DRC8: variants seen among roughly 807,000 people sequenced by gnomAD.
The protein encoded by DRC8 is dynein regulatory complex subunit 8.
the DRC8 span, among the ~76,000 whole-genome samples, chr1:245,017,952 C>T: frequency 2.0e-5 from 3 of 152,052 alleles, no homozygotes; most frequent in Non-Finnish European, 4.4e-5. Context: ...TGAAGCCAGG[C>T]GTGGTGGCTG....
chr1:244,984,128 T>A, the DRC8 span, among the ~76,000 whole-genome samples: 1 of 145,566 alleles, frequency 6.9e-6, no homozygotes, highest in Non-Finnish European at 1.5e-5. Flanking sequence ...CTAATTTTTT[T>A]GGGGGGGGGG....
the DRC8 span, chr1:245,124,077 G>A: frequency 6.0e-6 from 1 of 166,758 alleles, no homozygotes; most frequent in Non-Finnish European, 1.3e-5. Flanking sequence ...CTGGTCTTAA[G>A]CCAGGTTTCT....
chr1:245,015,593 C>A, the DRC8 span: 1 of 161,964 alleles, frequency 6.2e-6, no homozygotes, highest in South Asian at 1.5e-4. Context: ...GCCTGTAGTC[C>A]CAGCTACTCA....
the DRC8 span, among the ~76,000 whole-genome samples, chr1:245,067,680 G>A: frequency 3.9e-5 from 6 of 151,956 alleles, no homozygotes; most frequent in African/African-American, 1.5e-4. Context: ...CAAGATCCAC[G>A]TAATCTACAC....
At chr1:245,120,965 T>C in the DRC8 span, among the ~76,000 whole-genome samples, 1 of 152,266 alleles carries the variant, frequency 6.6e-6, no homozygotes, top group Non-Finnish European at 1.5e-5. Context: ...GGAATGGTGT[T>C]AAGCCAGGTT....
chr1:245,096,233 G>C, the DRC8 span, among the ~76,000 whole-genome samples: 1 of 152,312 alleles, frequency 6.6e-6, no homozygotes, highest in Non-Finnish European at 1.5e-5. Flanking sequence ...GAGGCAATTA[G>C]AATGAGCCAC....
the DRC8 span, among the ~76,000 whole-genome samples, chr1:245,021,596 C>T: frequency 6.6e-6 from 1 of 152,032 alleles, no homozygotes; most frequent in Non-Finnish European, 1.5e-5. Flanking sequence ...CCACCACGCC[C>T]ATCTAATTTT....
chr1:245,113,236 A>T, the DRC8 span, among the ~76,000 whole-genome samples: 1 of 152,180 alleles, frequency 6.6e-6, no homozygotes, highest in South Asian at 2.1e-4. Context: ...TCAGCCAAGT[A>T]AGACATGATG....
the DRC8 span, among the ~76,000 whole-genome samples, chr1:245,021,077 A>C: frequency 6.6e-6 from 1 of 152,222 alleles, no homozygotes. Context: ...AAACAATGCC[A>C]TTCTTCTAAA....
At chr1:245,116,411 A>G in the DRC8 span, among the ~76,000 whole-genome samples, 6 of 152,054 alleles carry the variant, frequency 3.9e-5, no homozygotes, top group East Asian at 5.8e-4. Context: ...AAAACAAAAC[A>G]AAAAAAACTT....
At chr1:245,124,808 C>G in the DRC8 span, 1 of 152,204 alleles carries the variant, frequency 6.6e-6, no homozygotes, top group Non-Finnish European at 1.5e-5. Context: ...TCCCATGACT[C>G]CACCCTGCAC....
chr1:245,110,837 A>C, the DRC8 span, among the ~76,000 whole-genome samples: 1 of 152,190 alleles, frequency 6.6e-6, no homozygotes, highest in Non-Finnish European at 1.5e-5. Context: ...TGTTCCTTAA[A>C]GGGCTTCTGC....
chr1:244,975,416 A>G, the DRC8 span, among the ~76,000 whole-genome samples: 1 of 152,208 alleles, frequency 6.6e-6, no homozygotes, highest in Non-Finnish European at 1.5e-5. Context: ...AGCTCTAATT[A>G]TCTGATCTTA....
chr1:245,034,984 T>C, the DRC8 span, among the ~76,000 whole-genome samples: 4 of 151,292 alleles, frequency 2.6e-5, no homozygotes, highest in African/African-American at 9.7e-5. Context: ...AAATTTCAAA[T>C]CTAATGAGAG....
At chr1:245,088,308 A>G in the DRC8 span, among the ~76,000 whole-genome samples, 3 of 129,816 alleles carry the variant, frequency 2.3e-5, no homozygotes, top group Admixed American at 2.6e-4. This position sits in a 1 kb window ranked among gnomAD's most constrained non-coding sequence, Gnocchi z 4.6. Flanking sequence ...ATATTCTGTT[A>G]TAACAAGACA....
At chr1:245,055,125 G>A in the DRC8 span, among the ~76,000 whole-genome samples, 1 of 152,116 alleles carries the variant, frequency 6.6e-6, no homozygotes, top group African/African-American at 2.4e-5. Flanking sequence ...CTTTGGCCTG[G>A]AGGGAGACAT....
At chr1:245,057,031 A>G in the DRC8 span, among the ~76,000 whole-genome samples, 2 of 152,196 alleles carry the variant, frequency 1.3e-5, no homozygotes, top group Non-Finnish European at 2.9e-5. Flanking sequence ...CCCTTCCAAA[A>G]AAAGGGAAGT....
the DRC8 span, among the ~76,000 whole-genome samples, chr1:245,054,916 C>T: frequency 2.0e-5 from 3 of 152,228 alleles, no homozygotes; most frequent in Admixed American, 1.3e-4. Flanking sequence ...CCTCTTGGCA[C>T]AGCAGGCAAC....
At chr1:245,004,015 G>A in the DRC8 span, among the ~76,000 whole-genome samples, 1 of 66,600 alleles carries the variant, frequency 1.5e-5, no homozygotes. Flanking sequence ...CCACCTTCGA[G>A]TTTTGAGAAT....
Sources: allele counts gnomAD v4.1 joint callset (sites outside exome capture counted in the v4.1 genomes callset), GRCh38; gene constraint gnomAD v4.1.1; non-coding constraint Gnocchi (gnomAD v3.1); transcripts MANE v1.5; gene names NCBI Gene and HGNC (gene_info 2026-07-23, HGNC 2026-07-21).